Variants in SUPT3H observed in about 807,000 individuals in gnomAD.
SUPT3H encodes the protein transcription initiation protein SPT3 homolog.
Under a neutral mutation model 44.3 loss-of-function variants are expected in SUPT3H, and 44 were observed. The observed-to-expected ratio is 0.99, with a 90% CI of 0.78 to 1.28. The LOEUF (loss-of-function observed/expected upper bound fraction) is 1.28. SUPT3H is among the 50% of genes most tolerant of loss of function. The probability of loss-of-function intolerance (pLI) is 0.00; values close to 1 mark genes in which losing one functional copy is unlikely to be tolerated. For synonymous variants in SUPT3H, 124 were observed against 125.6 expected, an observed-to-expected ratio of 0.99 and a Z score of 0.09; for missense variants, 380 against 387.1, an observed-to-expected ratio of 0.98 and a Z score of 0.15.
At chr6:45,336,383 T>A (rs1788557789) in intron 2 of SUPT3H, among the ~76,000 whole-genome samples, 1 of 151,350 alleles carries the variant, frequency 6.6e-6, no homozygotes, top group Non-Finnish European at 1.5e-5. Context: ...ACACATAAAG[T>A]GATCTGTTTT....
At chr6:45,278,188 A>C (rs573352026) in intron 2 of SUPT3H, among the ~76,000 whole-genome samples, 1 of 152,240 alleles carries the variant, frequency 6.6e-6, no homozygotes, top group East Asian at 1.9e-4. Context: ...GAAATACCTA[A>C]TGTAGATGAC....
chr6:45,308,172 T>G (rs1247759062), intron 2 of SUPT3H, among the ~76,000 whole-genome samples: 1 of 152,144 alleles, frequency 6.6e-6, no homozygotes, highest in African/African-American at 2.4e-5. Context: ...TGGAACCAAG[T>G]TGGAAAACAC....
intron 10 of SUPT3H, among the ~76,000 whole-genome samples, chr6:44,910,414 T>C (rs902751990): frequency 3.5e-4 from 54 of 152,216 alleles, no homozygotes; most frequent in African/African-American, 1.3e-3. Context: ...GTTCTCATTT[T>C]CCAATTAAAT....
In SUPT3H at chr6:44,878,322, A is replaced by G. The variant is rs374171981; in HGVS notation, c.913-48465T>C. Among the ~76,000 whole-genome samples, 14 of 152,328 alleles carry G rather than the reference A, an allele frequency of 9.2e-5. No homozygotes were observed. In the East Asian group the frequency reaches 1.5e-3, roughly 17 times the overall value. ...ATGCTTATGATGAGAAGATACATGTATTTGTAACGTTTAATGGAACCTAAA... is the reference window on the plus strand; with the variant it reads ...ATGCTTATGATGAGAAGATACATGTGTTTGTAACGTTTAATGGAACCTAAA... On this transcript the variant is annotated intron_variant, in intron 10 of 10. Coordinates refer to ENST00000371459, the MANE Select transcript of SUPT3H (RefSeq NM_003599.4).
chr6:44,931,419 T>G (rs570776529), intron 10 of SUPT3H, among the ~76,000 whole-genome samples: 1 of 152,270 alleles, frequency 6.6e-6, no homozygotes, highest in East Asian at 1.9e-4. Context: ...TACTTCCAAT[T>G]ATCTCTTATT....
At chr6:44,823,123 T>A (rs1181121306), downstream of SUPT3H, among the ~76,000 whole-genome samples, 3 of 142,458 alleles carry the variant, frequency 2.1e-5, no homozygotes, top group African/African-American at 7.8e-5. Flanking sequence ...AAAAAAAAAA[T>A]TTTTTTCTAC....
chr6:45,063,475 C>G (rs1186060036), intron 3 of SUPT3H, among the ~76,000 whole-genome samples: 79 of 140,586 alleles, frequency 5.6e-4, no homozygotes, highest in African/African-American at 1.3e-3. Context: ...CTTTGACGAG[C>G]TGAGAGAAGA....
chr6:45,334,124 T>C (rs527683636), intron 2 of SUPT3H, among the ~76,000 whole-genome samples: 4 of 151,284 alleles, frequency 2.6e-5, no homozygotes, highest in Non-Finnish European at 4.5e-5. Flanking sequence ...CTCTTAATTA[T>C]ACATTAGTTA....
chr6:44,995,649 T>C (rs867524280), intron 6 of SUPT3H, among the ~76,000 whole-genome samples: 4 of 152,092 alleles, frequency 2.6e-5, no homozygotes, highest in South Asian at 2.1e-4. Flanking sequence ...TATTGCTTCA[T>C]ACATTCATCT....
intron 3 of SUPT3H, among the ~76,000 whole-genome samples, chr6:45,050,385 T>C (rs145903750): frequency 6.6e-6 from 1 of 151,886 alleles, no homozygotes; most frequent in East Asian, 1.9e-4. Flanking sequence ...TTCCCAAGAA[T>C]ATTTGCATAA....
At chr6:45,188,428 T>C (rs976383247) in intron 2 of SUPT3H, among the ~76,000 whole-genome samples, 7 of 152,222 alleles carry the variant, frequency 4.6e-5, no homozygotes, top group African/African-American at 1.7e-4. Context: ...AAGTGCTTAG[T>C]GAAGGTGGAA....
intron 9 of SUPT3H, among the ~76,000 whole-genome samples, chr6:44,952,806 A>C (rs1427651130): frequency 6.6e-6 from 1 of 152,228 alleles, no homozygotes; most frequent in Non-Finnish European, 1.5e-5. Context: ...AGATCAGAAA[A>C]GAATATAATT....
At chr6:45,222,049 T>C (rs973127623) in intron 2 of SUPT3H, among the ~76,000 whole-genome samples, 8 of 152,022 alleles carry the variant, frequency 5.3e-5, no homozygotes, top group Admixed American at 2.0e-4. Context: ...TTTCAACAAA[T>C]AGTGATGGAG....
chr6:45,352,859 A>G (rs1007508453), intron 2 of SUPT3H, among the ~76,000 whole-genome samples: 5 of 152,236 alleles, frequency 3.3e-5, no homozygotes, highest in South Asian at 2.1e-4. Context: ...GCAGTTTTAT[A>G]TATCTATAAA....
chr6:45,190,073 C>G (rs1411311410), intron 2 of SUPT3H, among the ~76,000 whole-genome samples: 1 of 152,070 alleles, frequency 6.6e-6, no homozygotes, highest in Admixed American at 6.6e-5. Flanking sequence ...TCCAGAGGAA[C>G]AGATTCCATT....
At chr6:45,292,157 T>C (rs1192200123) in intron 2 of SUPT3H, among the ~76,000 whole-genome samples, 2 of 152,118 alleles carry the variant, frequency 1.3e-5, no homozygotes, top group African/African-American at 4.8e-5. Flanking sequence ...ACAAAATGAT[T>C]TTTGTCAAGC....
chr6:44,943,495 T>G (rs1772796735), intron 9 of SUPT3H, among the ~76,000 whole-genome samples: 1 of 152,152 alleles, frequency 6.6e-6, no homozygotes, highest in South Asian at 2.1e-4. Flanking sequence ...CTAATTTGGT[T>G]AAAGACATAC....
At position 45,325,771 on chromosome 6, in the gene SUPT3H, C is replaced by T. The variant is rs112237832; in HGVS notation, c.101+39430G>A. On this transcript the variant is annotated intron_variant, in intron 2 of 10. Transcript: ENST00000371459. The stretch of plus-strand genomic sequence containing the variant: ...GTATCTCTTCACCACGTGTAGTAAG[C>T]TATTTCTAATGAAACACACTGTTAT... 8.9e-3 allele frequency among the ~76,000 whole-genome samples: 1,360 copies of T among 151,982 alleles called. 13 individuals carry two copies. Among genetic ancestry groups the T allele is most frequent in the South Asian group, 0.025 (120 of 4,828 alleles).
chr6:45,282,650 G>A (rs902749712), intron 2 of SUPT3H, among the ~76,000 whole-genome samples: 1 of 152,152 alleles, frequency 6.6e-6, no homozygotes, highest in African/African-American at 2.4e-5. Context: ...AACCAAGTTG[G>A]AAAACACTCT....
Sources: gnomAD v4.1 joint callset for allele counts (sites outside exome capture counted in the v4.1 genomes callset) on GRCh38, gnomAD v4.1.1 for gene constraint, MANE v1.5 for transcripts, NCBI Gene and HGNC (gene_info 2026-07-23, HGNC 2026-07-21) for gene names.